The following ZBTB20 variants were observed in gnomAD, a reference collection of about 807,000 sequenced individuals.
The protein encoded by ZBTB20 is zinc finger and BTB domain containing 20.
A neutral mutation model predicts 56.9 loss-of-function variants in ZBTB20; 9 were observed. That is an observed-to-expected ratio of 0.16 (90% confidence interval 0.10 to 0.28). The LOEUF is 0.28. Among genes scored for constraint, ZBTB20 ranks in the 10% least tolerant of loss-of-function variants. The pLI is 1.00. For synonymous variants in ZBTB20, 417 were observed against 420.7 expected (o/e 0.99, Z 0.11); for missense variants, 655 against 1,003.0 (o/e 0.65, Z 4.69).
chr3:114,878,269 C>T (rs564894423), intron 4 of ZBTB20, among the ~76,000 whole-genome samples: 10 of 152,144 alleles, frequency 6.6e-5, no homozygotes, highest in South Asian at 4.2e-4. Flanking sequence ...GTGCTGCCAT[C>T]GGCCTTGTTC....
chr3:114,397,966 T>C (rs972567194), intron 7 of ZBTB20, among the ~76,000 whole-genome samples: 1 of 152,124 alleles, frequency 6.6e-6, no homozygotes, highest in Non-Finnish European at 1.5e-5. Context: ...TCCTTTCCAT[T>C]AATACTCCAC....
chr3:114,972,514 A>T (rs574506100), intron 3 of ZBTB20, among the ~76,000 whole-genome samples: 1 of 152,248 alleles, frequency 6.6e-6, no homozygotes, highest in South Asian at 2.1e-4. Context: ...CAACTTCATG[A>T]TCTCCAGTAA....
chr3:114,526,342 A>T (rs565624719), intron 6 of ZBTB20, among the ~76,000 whole-genome samples: 1 of 152,302 alleles, frequency 6.6e-6, no homozygotes, highest in South Asian at 2.1e-4. Flanking sequence ...CACCTGCACT[A>T]GTGAGTTCTA....
intron 7 of ZBTB20, among the ~76,000 whole-genome samples, chr3:114,415,115 A>G (rs2088401712): frequency 1.3e-5 from 2 of 152,108 alleles, no homozygotes; most frequent in African/African-American, 4.8e-5. Context: ...TCATTAGGAC[A>G]AGGTCAAAAT....
intron 6 of ZBTB20, among the ~76,000 whole-genome samples, chr3:114,614,905 G>C (rs1339015468): frequency 6.6e-6 from 1 of 152,018 alleles, no homozygotes; most frequent in Non-Finnish European, 1.5e-5. Context: ...TTATAGGTGT[G>C]TGCCACCACA....
At chr3:114,812,917 C>CGGGGCCTGTGGGGCAGGCCCGGT (rs562113130) in intron 4 of ZBTB20, among the ~76,000 whole-genome samples, 1,756 of 152,116 alleles carry the variant, frequency 0.012, 16 homozygotes, top group South Asian at 0.041. Flanking sequence ...CCTCACTGCC[C>CGGGGCCTGTGGGGCAGGCCCGGT]GGGGCCGGTG....
At chr3:114,597,026 C>T (rs1047145970) in intron 6 of ZBTB20, among the ~76,000 whole-genome samples, 1 of 151,702 alleles carries the variant, frequency 6.6e-6, no homozygotes, top group South Asian at 2.1e-4. Context: ...CGACTCAATC[C>T]TAAAGCAAAT....
intron 2 of ZBTB20, among the ~76,000 whole-genome samples, chr3:115,054,564 C>G (rs2081683029): frequency 6.6e-6 from 1 of 152,040 alleles, no homozygotes; most frequent in South Asian, 2.1e-4. Flanking sequence ...TTGAGTCTCT[C>G]TAGGCTAAGA....
At chr3:114,647,055 T>G (rs1168527059) in intron 6 of ZBTB20, among the ~76,000 whole-genome samples, 1 of 151,684 alleles carries the variant, frequency 6.6e-6, no homozygotes, top group African/African-American at 2.4e-5. Flanking sequence ...GCCTCCCGGG[T>G]TCATGCCATT....
In ZBTB20 at chr3:114,335,267, A is replaced by T. The variant is rs949269759; in HGVS notation, c.*3738T>A. On this transcript the variant is annotated 3_prime_UTR_variant, in exon 12 of 12. Coordinates refer to ENST00000675478, the MANE Select transcript of ZBTB20 (RefSeq NM_001348800.3). ...AATCTGGAACATTTGCTTTTATCTT[A>T]TCTATCTGTTTCCTGGCTACTAGAA... is the stretch of plus-strand genomic sequence containing the variant. 3 of 152,078 alleles carry T rather than the reference A, an allele frequency of 2.0e-5. No homozygotes were observed. Among genetic ancestry groups the T allele is most frequent in the African/African-American group, 7.2e-5 (3 of 41,408 alleles). 9.4% of individuals were successfully genotyped at this position (152,078 alleles called of 1,614,324 possible). A position where few individuals can be genotyped will look rare whatever the true frequency, so the allele number is the denominator to read the frequency against.
intron 6 of ZBTB20, among the ~76,000 whole-genome samples, chr3:114,534,044 G>T (rs920030881): frequency 6.6e-6 from 1 of 152,116 alleles, no homozygotes; most frequent in Admixed American, 6.5e-5. Context: ...ACACCAAACT[G>T]TAAAGACCAT....
At chr3:114,981,585 C>A (rs889504487) in intron 2 of ZBTB20, among the ~76,000 whole-genome samples, 2 of 151,994 alleles carry the variant, frequency 1.3e-5, no homozygotes, top group Non-Finnish European at 2.9e-5. Flanking sequence ...AATACATGAG[C>A]AGTCCCCATA....
At chr3:114,400,238 A>G (rs561898227) in intron 7 of ZBTB20, among the ~76,000 whole-genome samples, 1 of 152,252 alleles carries the variant, frequency 6.6e-6, no homozygotes, top group East Asian at 1.9e-4. Context: ...CTCACTTATA[A>G]AGTCATGAGC....
At chr3:114,900,944 A>G (rs1207551695) in intron 3 of ZBTB20, among the ~76,000 whole-genome samples, 1 of 152,216 alleles carries the variant, frequency 6.6e-6, no homozygotes, top group African/African-American at 2.4e-5. Context: ...CCTCAACTCA[A>G]CACACTTTGA....
intron 3 of ZBTB20, among the ~76,000 whole-genome samples, chr3:114,908,180 T>C (rs915453828): frequency 2.0e-5 from 3 of 152,030 alleles, no homozygotes; most frequent in East Asian, 1.9e-4. Flanking sequence ...GCCAAAGAAA[T>C]AGGAAAGACT....
intron 6 of ZBTB20, among the ~76,000 whole-genome samples, chr3:114,549,531 A>T (rs1194001710): frequency 6.6e-6 from 1 of 152,152 alleles, no homozygotes; most frequent in African/African-American, 2.4e-5. Flanking sequence ...TTCATTCTCT[A>T]CTAGCATCAA....
chr3:114,527,324 A>C (rs879500605), intron 6 of ZBTB20: 1 of 152,222 alleles, frequency 6.6e-6, no homozygotes, highest in Non-Finnish European at 1.5e-5. Context: ...TTGGTTCATC[A>C]ATAAGCCTTG....
intron 2 of ZBTB20, among the ~76,000 whole-genome samples, chr3:114,984,674 T>C (rs2078462398): frequency 6.6e-6 from 1 of 152,080 alleles, no homozygotes; most frequent in South Asian, 2.1e-4. Flanking sequence ...CAACAGTTGA[T>C]TCAGATACAA....
chr3:114,354,116 C>A (rs982977704), intron 10 of ZBTB20, among the ~76,000 whole-genome samples: 2 of 152,192 alleles, frequency 1.3e-5, no homozygotes, highest in African/African-American at 4.8e-5. Context: ...GGCTGTGATG[C>A]TTTGACATAG....
Sources: allele counts gnomAD v4.1 joint callset (sites outside exome capture counted in the v4.1 genomes callset), GRCh38; gene constraint gnomAD v4.1.1; transcripts MANE v1.5; gene names NCBI Gene and HGNC (gene_info 2026-07-23, HGNC 2026-07-21).